Variants in RDH10 observed in about 807,000 individuals in gnomAD.
RDH10 encodes retinol dehydrogenase 10.
RDH10 carries 12 observed loss-of-function variants against 30.2 expected under a neutral mutation model. That is an observed-to-expected ratio of 0.40 (90% confidence interval 0.25 to 0.64). RDH10 has a LOEUF of 0.64. RDH10 is among the 30% of genes least tolerant of loss of function. The pLI is 0.43. For synonymous variants in RDH10, 189 were observed against 172.2 expected (o/e 1.10, Z -0.76); for missense variants, 268 against 445.2 (o/e 0.60, Z 3.58).
At position 73,325,171 on chromosome 8, in the gene RDH10, T is replaced by C. The variant is rs1436452316; in HGVS notation, c.*2135T>C. On this transcript the variant is annotated 3_prime_UTR_variant, in exon 6 of 6. Transcript: ENST00000240285. ...ACCTTAAAACTGAGGAAAGTCGTCT[T>C]TACATCTAATTTTATTCTTGTGTGT... 6 of 152,246 alleles carry C rather than the reference T, an allele frequency of 3.9e-5. No individual in the cohort carries two copies. Among genetic ancestry groups the C allele is most frequent in the Admixed American group, 6.5e-5 (1 of 15,286 alleles). 9.4% of individuals were successfully genotyped at this position (152,246 alleles called of 1,614,324 possible). A position where few individuals can be genotyped will look rare whatever the true frequency, so the allele number is the denominator to read the frequency against.
chr8:73,324,033 A>G lies in RDH10; in HGVS notation c.*997A>G, dbSNP rs1241259846. ...CTAAAAGATCATACATTTTCTACCT[A>G]TGAATTTTGCTGCATACAGAAAGTG... is the stretch of plus-strand genomic sequence containing the variant. On this transcript the variant is annotated 3_prime_UTR_variant, in exon 6 of 6. Coordinates refer to ENST00000240285, the MANE Select transcript of RDH10 (RefSeq NM_172037.5). 1 of 152,616 alleles carries G rather than the reference A, an allele frequency of 6.6e-6. No homozygotes were observed. Among genetic ancestry groups the G allele is most frequent in the Non-Finnish European group, 1.5e-5 (1 of 68,046 alleles). The allele number at this position is 152,616 out of a possible 1,614,324, so 9.5% of individuals were successfully genotyped here.
intron 2 of RDH10, chr8:73,313,345 C>T (rs1429147410): frequency 6.6e-6 from 1 of 152,202 alleles, no homozygotes; most frequent in Non-Finnish European, 1.5e-5. Flanking sequence ...CAAATGTGAC[C>T]TTTACAGTTA....
rs1270679812 is a variant in RDH10, at chr8:73,301,293, G to A, written c.525+3864G>A. Among the ~76,000 whole-genome samples the A allele has an allele frequency of 6.1e-5, 9 of 147,504 alleles. No individual in the cohort carries two copies. The South Asian group carries it at 6.4e-4, about 11-fold the overall frequency. ...TCTCGATCTCCTGACCTCGTGATCC[G>A]CCCGCCTCGGCCTCCCAAAGTGCTG... On this transcript the variant is annotated intron_variant, in intron 2 of 5. Transcript: ENST00000240285.
chr8:73,303,638 C>G (rs1056977531), intron 2 of RDH10, among the ~76,000 whole-genome samples: 7 of 152,024 alleles, frequency 4.6e-5, no homozygotes, highest in African/African-American at 1.7e-4. Flanking sequence ...TGTAAATTGA[C>G]CTGGGGTCAA....
At chr8:73,321,988 G>A (rs1189677414) in intron 4 of RDH10, 7 of 456,080 alleles carry the variant, frequency 1.5e-5, no homozygotes, top group Non-Finnish European at 3.1e-5. Flanking sequence ...GGTTTGTTTT[G>A]TTTTGTTTTC....
chr8:73,295,377 A>G lies in RDH10; in HGVS notation c.88A>G (p.Lys30Glu). 4.5e-6 allele frequency: 7 copies of G among 1,558,264 alleles called. No individual in the cohort carries two copies. The highest frequency in any genetic ancestry group is 6.1e-6 in the Non-Finnish European group (7 of 1,152,882). ...CGCGGCGCGCTGGCTGGTGCGGCCC[A>G]AGGAGAAGAGCGTGGCGGGCCAGGT... is the stretch of plus-strand genomic sequence containing the variant. The part of the protein sequence containing the change: ...LAAARWLVRP[K>E]EKSVAGQVCL... Residue 30 changes from lysine to glutamate, a missense_variant, in exon 1 of 6, where the codon AAG becomes GAG. Physicochemically the swap from Lys to Glu is moderately conservative, Grantham distance 56. Around this residue, in one of 4 missense-constraint regions of RDH10, gnomAD observed 44 missense variants for 42.1 expected, o/e 1.04. Coordinates refer to ENST00000240285, the MANE Select transcript of RDH10 (RefSeq NM_172037.5).
In RDH10 at chr8:73,295,094, G is replaced by A. The variant is rs1325081021; in HGVS notation, c.-196G>A. 2.2e-5 allele frequency: 8 copies of A among 370,104 alleles called. No homozygotes were observed. The highest frequency in any genetic ancestry group is 7.2e-4 in the Middle Eastern group (1 of 1,380). The allele number at this position is 370,104 out of a possible 1,614,324, so 22.9% of individuals were successfully genotyped here. Reference sequence around the variant, plus strand: ...AGTCCGGGGCCACAGCGCCGAGCCCGGGCGGGAGTGGCCCCGCGCAGGCAG... The same window carrying A: ...AGTCCGGGGCCACAGCGCCGAGCCCAGGCGGGAGTGGCCCCGCGCAGGCAG... On this transcript the variant is annotated 5_prime_UTR_variant, in exon 1 of 6. Coordinates refer to ENST00000240285, the MANE Select transcript of RDH10 (RefSeq NM_172037.5).
At chr8:73,320,478 T>G (rs1185324116) in intron 3 of RDH10, among the ~76,000 whole-genome samples, 3 of 58,054 alleles carry the variant, frequency 5.2e-5, no homozygotes, top group African/African-American at 1.0e-4. Context: ...TGTTTTTGTT[T>G]TTTTTTTTTT....
chr8:73,295,335 T>C lies in RDH10; in HGVS notation c.46T>C (p.Trp16Arg). ...CTTCGTGGTCACTTTCAAAGTGCTC[T>C]GGGCGTTCGTGCTGGCCGCGGCGCG... is the stretch of plus-strand genomic sequence containing the variant. ...EFFVVTFKVLWAFVLAAARWL... is the reference protein window; with the variant it reads ...EFFVVTFKVLRAFVLAAARWL... The change falls in exon 1 of 6, where the codon TGG becomes CGG. Residue 16 changes from tryptophan to arginine, a missense_variant. Physicochemically the swap from Trp to Arg is moderately radical, Grantham distance 101. Around this residue, in one of 4 missense-constraint regions of RDH10, gnomAD observed 44 missense variants for 42.1 expected, o/e 1.04. Coordinates refer to ENST00000240285, the MANE Select transcript of RDH10 (RefSeq NM_172037.5). 6.4e-7 allele frequency: 1 copy of C among 1,563,918 alleles called. No homozygotes were observed. The highest frequency in any genetic ancestry group is 1.2e-5 in the South Asian group (1 of 85,290).
chr8:73,318,014 A>C (rs953045415), intron 2 of RDH10, among the ~76,000 whole-genome samples: 2 of 148,904 alleles, frequency 1.3e-5, no homozygotes, highest in African/African-American at 5.0e-5. Flanking sequence ...CTGAGAAGGG[A>C]ATGCAGCTCT....
Position 73,323,108 on chromosome 8 carries a change from T to A in RDH10, c.*72T>A. ...TGTTTCAGTCCAGTGCACATCAGCA[T>A]TGCTGACATTTTATGGATTCTAAAC... On this transcript the variant is annotated 3_prime_UTR_variant, in exon 6 of 6. Coordinates refer to ENST00000240285, the MANE Select transcript of RDH10 (RefSeq NM_172037.5). 1 of 1,187,066 alleles carries A rather than the reference T, an allele frequency of 8.4e-7. No homozygotes were observed. Among genetic ancestry groups the A allele is most frequent in the Non-Finnish European group, 1.2e-6 (1 of 805,752 alleles). The allele number at this position is 1,187,066 out of a possible 1,614,324, so 73.5% of individuals were successfully genotyped here.
intron 2 of RDH10, chr8:73,312,682 G>C (rs1015845275): frequency 1.3e-5 from 2 of 152,230 alleles, no homozygotes; most frequent in Non-Finnish European, 2.9e-5. Context: ...GTTCAGTGGA[G>C]TCTTGATGGT....
At chr8:73,296,747 T>C (rs1814273383) in intron 1 of RDH10, among the ~76,000 whole-genome samples, 1 of 152,230 alleles carries the variant, frequency 6.6e-6, no homozygotes, top group Admixed American at 6.5e-5. Flanking sequence ...TTTTGATTTG[T>C]GAGCCTTGAA....
rs1227926987 is a variant in RDH10, at chr8:73,323,154, AT to A, written c.*119del. On this transcript the variant is annotated 3_prime_UTR_variant, in exon 6 of 6. Coordinates refer to ENST00000240285, the MANE Select transcript of RDH10 (RefSeq NM_172037.5). ...TAAACTTGTGTTGTTTCTTTTTTAAATCAACTTTTTAAAAAAATAAAGTGTA... is the reference window on the plus strand; with the variant it reads ...TAAACTTGTGTTGTTTCTTTTTTAAACAACTTTTTAAAAAAATAAAGTGTA... 5 of 853,060 alleles carry A rather than the reference AT, an allele frequency of 5.9e-6. No homozygotes were observed. In the African/African-American group the frequency reaches 6.8e-5, roughly 12 times the overall value. The allele number at this position is 853,060 out of a possible 1,614,324, so 52.8% of individuals were successfully genotyped here.
chr8:73,297,453 C>T, intron 2 of RDH10, 24 bp downstream of exon 2: 1 of 1,510,190 alleles, frequency 6.6e-7, no homozygotes, highest in South Asian at 1.1e-5. Flanking sequence ...TCCTTGTTTT[C>T]TTTGCTGGGC....
chr8:73,297,942 AG>A (rs1471896858), intron 2 of RDH10: 1 of 167,710 alleles, frequency 6.0e-6, no homozygotes, highest in Non-Finnish European at 1.3e-5. Flanking sequence ...TTCCTGTTGC[AG>A]GACGCTTCGG....
At chr8:73,308,865 C>T (rs898498797) in intron 2 of RDH10, among the ~76,000 whole-genome samples, 1 of 152,142 alleles carries the variant, frequency 6.6e-6, no homozygotes, top group African/African-American at 2.4e-5. Flanking sequence ...TCTGAAGCCA[C>T]GTGAGGTTGG....
intron 1 of RDH10, among the ~76,000 whole-genome samples, chr8:73,296,033 A>AT (rs1340096747): frequency 6.6e-6 from 1 of 152,230 alleles, no homozygotes; most frequent in African/African-American, 2.4e-5. Flanking sequence ...TGACGGTTTC[A>AT]TTATAAGTTT....
In RDH10 at chr8:73,297,383, A is replaced by T; in HGVS notation, c.479A>T (p.Glu160Val). The T allele has an allele frequency of 6.2e-7, 1 of 1,613,948 alleles. No homozygotes were observed. The highest frequency in any genetic ancestry group is 8.5e-7 in the Non-Finnish European group (1 of 1,179,774). The change falls in exon 2 of 6, where the codon GAG becomes GTG. Residue 160 changes from glutamate to valine, a missense_variant. Transcript: ENST00000240285. ...CATCACCTTCTGGAATGTCCTGATG[A>T]GCTCATTGAGAGAACCATGATGGTC... ...SGHHLLECPD[E>V]LIERTMMVNC... is the part of the protein sequence containing the mutation.
Sources: allele counts gnomAD v4.1 joint callset (sites outside exome capture counted in the v4.1 genomes callset), GRCh38; gene constraint gnomAD v4.1.1; regional missense constraint gnomAD v4.1.1; transcripts MANE v1.5; gene names NCBI Gene and HGNC (gene_info 2026-07-23, HGNC 2026-07-21).